The following KCNH7 variants were observed in gnomAD, a reference collection of about 807,000 sequenced individuals.
The protein encoded by KCNH7 is potassium voltage-gated channel subfamily H member 7.
KCNH7 carries 49 observed loss-of-function variants against 120.8 expected under a neutral mutation model. That is an observed-to-expected ratio of 0.41 (90% CI 0.32 to 0.51). The LOEUF (loss-of-function observed/expected upper bound fraction) is 0.51, where lower values mean the gene tolerates loss of function less well. KCNH7 is among the 20% of genes least tolerant of loss of function. The pLI is 0.38. For missense variants in KCNH7, 1,097 were observed against 1,446.6 expected (o/e 0.76, Z 3.92); for synonymous variants, 547 against 516.1 (o/e 1.06, Z -0.81).
At chr2:162,451,574 G>T (rs1463411505) in intron 6 of KCNH7, among the ~76,000 whole-genome samples, 1 of 151,980 alleles carries the variant, frequency 6.6e-6, no homozygotes, top group African/African-American at 2.4e-5. Context: ...ATGTTTAGTT[G>T]GTGGGGGAGC....
intron 12 of KCNH7, among the ~76,000 whole-genome samples, chr2:162,388,669 A>T (rs1686651701): frequency 6.6e-6 from 1 of 151,978 alleles, no homozygotes; most frequent in South Asian, 2.1e-4. Context: ...GAATAGAATT[A>T]TCACTATTCT....
chr2:162,508,913 T>G (rs1208083450), intron 5 of KCNH7, among the ~76,000 whole-genome samples: 1 of 151,494 alleles, frequency 6.6e-6, no homozygotes, highest in Non-Finnish European at 1.5e-5. Flanking sequence ...AATAAGAGAT[T>G]CAGTAGAAAG....
intron 5 of KCNH7, 42 bp downstream of exon 5, chr2:162,512,612 C>A (rs998098873): frequency 1.9e-6 from 3 of 1,586,974 alleles, no homozygotes; most frequent in Non-Finnish European, 2.6e-6. Context: ...AGTAAAGGGG[C>A]AGGTTGAACA....
At chr2:162,440,096 CA>C (rs1363391297) in intron 7 of KCNH7, among the ~76,000 whole-genome samples, 1 of 151,300 alleles carries the variant, frequency 6.6e-6, no homozygotes, top group Non-Finnish European at 1.5e-5. Context: ...ATATTTTGTT[CA>C]AAAATATTAA....
chr2:162,591,539 A>G (rs538210296), intron 2 of KCNH7, among the ~76,000 whole-genome samples: 1 of 152,188 alleles, frequency 6.6e-6, no homozygotes, highest in African/African-American at 2.4e-5. Context: ...GATAAGATAA[A>G]TAGCAAGTAC....
At chr2:162,476,346 G>T (rs1574005083) in intron 6 of KCNH7, among the ~76,000 whole-genome samples, 1 of 151,964 alleles carries the variant, frequency 6.6e-6, no homozygotes, top group African/African-American at 2.4e-5. Context: ...TATTTGCCTG[G>T]CATTACTATT....
intron 2 of KCNH7, among the ~76,000 whole-genome samples, chr2:162,804,621 A>T (rs305668): frequency 0.98 from 148,926 of 152,140 alleles, 72,971 homozygotes; most frequent in East Asian, 1. Context: ...TGGAAACACA[A>T]CCCATGCTCA....
intron 6 of KCNH7, among the ~76,000 whole-genome samples, chr2:162,487,305 G>T (rs1211848986): frequency 1.3e-5 from 2 of 152,150 alleles, no homozygotes; most frequent in African/African-American, 4.8e-5. Context: ...GTCTTTGCTG[G>T]ATTATCTTTT....
At chr2:162,828,017 C>T (rs1015963206) in intron 2 of KCNH7, among the ~76,000 whole-genome samples, 1 of 152,024 alleles carries the variant, frequency 6.6e-6, no homozygotes, top group African/African-American at 2.4e-5. Context: ...TGCATGTAAA[C>T]CCCTTGAATA....
At chr2:162,728,577 G>A (rs1465651778) in intron 2 of KCNH7, among the ~76,000 whole-genome samples, 1 of 152,062 alleles carries the variant, frequency 6.6e-6, no homozygotes, top group Non-Finnish European at 1.5e-5. Flanking sequence ...TCAGGAGTTC[G>A]AGACCAGCCT....
intron 3 of KCNH7, among the ~76,000 whole-genome samples, chr2:162,530,486 A>G (rs1013809811): frequency 6.6e-6 from 1 of 152,006 alleles, no homozygotes; most frequent in Non-Finnish European, 1.5e-5. Flanking sequence ...ACACACACAC[A>G]CACACACAAT....
chr2:162,550,707 G>T (rs529513584), intron 2 of KCNH7, among the ~76,000 whole-genome samples: 1 of 151,932 alleles, frequency 6.6e-6, no homozygotes, highest in African/African-American at 2.4e-5. Context: ...AAATTTGAGC[G>T]TTTCAAAATG....
intron 2 of KCNH7, among the ~76,000 whole-genome samples, chr2:162,701,278 C>T (rs1257597215): frequency 6.6e-6 from 1 of 152,042 alleles, no homozygotes; most frequent in Non-Finnish European, 1.5e-5. Context: ...GTGAAACATG[C>T]ATAATAAAAA....
rs376334497 is a variant in KCNH7 at position 162,602,195 on chromosome 2, TA to T, written c.308-65116del. Among the ~76,000 whole-genome samples, 113 of 152,156 alleles carry T rather than the reference TA, an allele frequency of 7.4e-4. 1 individual carries two copies. Among genetic ancestry groups the T allele is most frequent in the South Asian group, 5.4e-3 (26 of 4,828 alleles). ...TTTGGTTAGAGGTGAGTTGGGGGCC[TA>T]GAAAGAAATTTGCAATAGGTGTCTC... is the stretch of plus-strand genomic sequence containing the variant. On this transcript the variant is annotated intron_variant, in intron 2 of 15. Coordinates refer to ENST00000332142, the MANE Select transcript of KCNH7 (RefSeq NM_033272.4).
chr2:162,607,457 G>A (rs113874871), intron 2 of KCNH7, among the ~76,000 whole-genome samples: 20 of 151,832 alleles, frequency 1.3e-4, no homozygotes, highest in African/African-American at 4.3e-4. Flanking sequence ...GTTGGTGGTG[G>A]GACTAAAAAT....
chr2:162,786,048 C>T (rs2105506054), intron 2 of KCNH7, among the ~76,000 whole-genome samples: 1 of 152,092 alleles, frequency 6.6e-6, no homozygotes, highest in African/African-American at 2.4e-5. Context: ...CAAGACCAGC[C>T]TGACCAACAT....
rs146188659 is a variant in KCNH7 at position 162,580,531 on chromosome 2, T to A, written c.308-43451A>T. Among the ~76,000 whole-genome samples the A allele has an allele frequency of 4.6e-5, 7 of 152,212 alleles. No individual in the cohort carries two copies. In the East Asian group the frequency reaches 1.2e-3, roughly 25 times the overall value. The stretch of plus-strand genomic sequence containing the variant: ...GTAATACTTAGTCCATTCTGTGGCA[T>A]TCAAGTCAATTTAATTCACTTCAAT... On this transcript the variant is annotated intron_variant, in intron 2 of 15. Transcript: ENST00000332142.
intron 2 of KCNH7, among the ~76,000 whole-genome samples, chr2:162,596,084 T>C (rs1001381043): frequency 6.6e-6 from 1 of 152,030 alleles, no homozygotes; most frequent in African/African-American, 2.4e-5. Flanking sequence ...AAAGAAATTC[T>C]GTGTCCTTTG....
At chr2:162,411,463 G>C (rs1687390773) in intron 9 of KCNH7, among the ~76,000 whole-genome samples, 1 of 151,962 alleles carries the variant, frequency 6.6e-6, no homozygotes, top group Non-Finnish European at 1.5e-5. Flanking sequence ...GCTTGAGGAG[G>C]GAGGGTGAAA....
Sources: allele counts gnomAD v4.1 joint callset (sites outside exome capture counted in the v4.1 genomes callset), GRCh38; gene constraint gnomAD v4.1.1; transcripts MANE v1.5; gene names NCBI Gene and HGNC (gene_info 2026-07-23, HGNC 2026-07-21).